The following ABI3BP variants were observed in gnomAD, a reference collection of about 807,000 sequenced individuals.
ABI3BP encodes ABI family member 3 binding protein, also known as target of Nesh-SH3.
A neutral mutation model predicts 268.6 loss-of-function variants in ABI3BP; 216 were observed. The ratio of observed to expected loss-of-function variants is 0.80; its 90% CI spans 0.72 to 0.90. ABI3BP has a LOEUF of 0.90. ABI3BP is among the 40% of genes least tolerant of loss of function. The probability of loss-of-function intolerance (pLI) is 0.00; values close to 1 mark genes in which losing one functional copy is unlikely to be tolerated. For synonymous variants in ABI3BP, 730 were observed against 730.0 expected, an observed-to-expected ratio of 1.00 and a Z score of 0.00; for missense variants, 2,090 against 2,182.4, an observed-to-expected ratio of 0.96 and a Z score of 0.84.
intron 2 of ABI3BP, among the ~76,000 whole-genome samples, chr3:100,904,004 A>G (rs993769834): frequency 1.3e-5 from 2 of 152,326 alleles, no homozygotes; most frequent in Middle Eastern, 3.4e-3. Flanking sequence ...GCTGGACCCA[A>G]ATCAAATCAA....
At chr3:100,828,905 T>A (rs2098436619) in intron 33 of ABI3BP, among the ~76,000 whole-genome samples, 1 of 152,080 alleles carries the variant, frequency 6.6e-6, no homozygotes, top group South Asian at 2.1e-4. Context: ...GGGATGCAGA[T>A]GATTCCTACC....
chr3:100,984,202 A>G (rs2090819076), intron 1 of ABI3BP, among the ~76,000 whole-genome samples: 1 of 152,066 alleles, frequency 6.6e-6, no homozygotes, highest in African/African-American at 2.4e-5. Context: ...GGGGAGGCAG[A>G]GCATTACTGA....
At chr3:100,904,328 T>C (rs767173728) in intron 2 of ABI3BP, among the ~76,000 whole-genome samples, 6 of 152,158 alleles carry the variant, frequency 3.9e-5, no homozygotes, top group Non-Finnish European at 8.8e-5. Flanking sequence ...TTAACACTTT[T>C]ATCTTTGAAC....
intron 4 of ABI3BP, among the ~76,000 whole-genome samples, chr3:100,896,431 A>G (rs953943556): frequency 2.0e-5 from 3 of 152,210 alleles, no homozygotes; most frequent in African/African-American, 7.2e-5. Flanking sequence ...TCAGTAGGAC[A>G]AAGTGAAATT....
At chr3:100,814,660 C>T (rs1490375786) in intron 44 of ABI3BP, among the ~76,000 whole-genome samples, 1 of 152,062 alleles carries the variant, frequency 6.6e-6, no homozygotes, top group Non-Finnish European at 1.5e-5. Flanking sequence ...TAAAATGTGT[C>T]CTTTCTTTTG....
chr3:100,779,604 A>ACTCTCTCT (rs138554435), intron 58 of ABI3BP, among the ~76,000 whole-genome samples: 14 of 135,516 alleles, frequency 1.0e-4, no homozygotes, highest in South Asian at 2.3e-4. Flanking sequence ...TAAGAGAAAG[A>ACTCTCTCT]CTCTCTCTCT....
chr3:100,910,538 C>CTT (rs577616809), intron 2 of ABI3BP, among the ~76,000 whole-genome samples: 1 of 149,096 alleles, frequency 6.7e-6, no homozygotes, highest in East Asian at 1.9e-4. Context: ...CTTGCTTTTC[C>CTT]TTTTTTTTTA....
intron 4 of ABI3BP, among the ~76,000 whole-genome samples, chr3:100,896,179 T>C (rs758418460): frequency 3.3e-5 from 5 of 152,286 alleles, no homozygotes; most frequent in Middle Eastern, 3.4e-3. Flanking sequence ...GTGATGTGCC[T>C]AATTCCATCT....
Position 100,796,440 on chromosome 3 carries a change from T to A in ABI3BP, c.3786A>T (p.Lys1262Asn), listed in dbSNP as rs1358467228. The A allele has an allele frequency of 1.2e-6, 2 of 1,603,200 alleles. No homozygotes were observed. The highest frequency in any genetic ancestry group is 8.5e-7 in the Non-Finnish European group (1 of 1,174,538). The change falls in exon 52 of 68, where the codon AAA becomes AAT. Residue 1262 changes from lysine to asparagine, a missense_variant. By Grantham distance (94) the Lys-to-Asn change is moderately conservative (BLOSUM62 0). Coordinates refer to ENST00000471714, the MANE Select transcript of ABI3BP (RefSeq NM_001375547.2). ...CGCTCTGAGAGACCTCAGGGTATGG[T>A]TTATGAGGAAGGAGCACATCTTTTG... is the stretch of plus-strand genomic sequence containing the variant. ...PAPKDVLLPH[K>N]PYPEVSQSEP...
chr3:100,809,115 A>C lies in ABI3BP; in HGVS notation c.3608-880T>G, dbSNP rs114268948. ...AAAATACAAGGTATACAATGGTTTC[A>C]GTGGAATCTTCTTGCCTGTAGAGAG... On this transcript the variant is annotated intron_variant, in intron 49 of 67. Coordinates refer to ENST00000471714, the MANE Select transcript of ABI3BP (RefSeq NM_001375547.2). Among the ~76,000 whole-genome samples, 687 of 152,182 alleles carry C rather than the reference A, an allele frequency of 4.5e-3. 6 individuals carry two copies. The highest frequency in any genetic ancestry group is 0.015 in the African/African-American group (624 of 41,540).
chr3:100,972,892 G>A (rs564713149), intron 1 of ABI3BP, among the ~76,000 whole-genome samples: 1 of 152,268 alleles, frequency 6.6e-6, no homozygotes, highest in South Asian at 2.1e-4. Context: ...CTTATTTGTG[G>A]ACATGTGAGG....
intron 54 of ABI3BP, among the ~76,000 whole-genome samples, chr3:100,793,648 T>C (rs2097261735): frequency 1.3e-5 from 2 of 152,038 alleles, no homozygotes; most frequent in African/African-American, 4.8e-5. Flanking sequence ...TTGATTAGAA[T>C]ATATTTGCTC....
At chr3:100,930,645 C>T (rs769522271) in intron 1 of ABI3BP, 2 of 151,884 alleles carry the variant, frequency 1.3e-5, no homozygotes, top group Admixed American at 6.6e-5. Context: ...AAGATTGAAC[C>T]AGGAAGAAAC....
chr3:100,794,236 A>G (rs1414686222), intron 54 of ABI3BP, among the ~76,000 whole-genome samples: 2 of 151,966 alleles, frequency 1.3e-5, no homozygotes, highest in Non-Finnish European at 2.9e-5. Context: ...TGTTAATCCT[A>G]GGCACCCTGT....
chr3:100,871,636 A>G (rs868298315), intron 9 of ABI3BP, among the ~76,000 whole-genome samples: 1 of 152,240 alleles, frequency 6.6e-6, no homozygotes. Flanking sequence ...GCTGCCATCC[A>G]TGTAAGATAT....
intron 2 of ABI3BP, among the ~76,000 whole-genome samples, chr3:100,923,637 G>C (rs978709276): frequency 6.6e-6 from 1 of 152,056 alleles, no homozygotes; most frequent in Admixed American, 6.6e-5. Context: ...AATTTACCCT[G>C]CCTTTCTTAT....
intron 2 of ABI3BP, among the ~76,000 whole-genome samples, chr3:100,919,730 T>A (rs1010100814): frequency 6.6e-6 from 1 of 152,224 alleles, no homozygotes; most frequent in Admixed American, 6.5e-5. Context: ...ATCTGTTTAG[T>A]AGGACAGGTC....
chr3:100,873,294 T>C (rs1406057164), intron 9 of ABI3BP, among the ~76,000 whole-genome samples: 1 of 152,222 alleles, frequency 6.6e-6, no homozygotes, highest in East Asian at 1.9e-4. Context: ...CTTGACATTA[T>C]GTGGACAAAA....
chr3:100,751,523 G>T, intron 67 of ABI3BP, 29 bp downstream of exon 67: 1 of 1,551,614 alleles, frequency 6.4e-7, no homozygotes, highest in Non-Finnish European at 8.7e-7. Flanking sequence ...GTAAAACTCT[G>T]TTCTTATGAG....
Sources: allele counts gnomAD v4.1 joint callset (sites outside exome capture counted in the v4.1 genomes callset), GRCh38; gene constraint gnomAD v4.1.1; transcripts MANE v1.5; gene names NCBI Gene and HGNC (gene_info 2026-07-23, HGNC 2026-07-21).